The following PTPN4 variants were observed in gnomAD, a reference collection of about 807,000 sequenced individuals.
The protein encoded by PTPN4 is tyrosine-protein phosphatase non-receptor type 4.
A neutral mutation model predicts 135.5 loss-of-function variants in PTPN4; 49 were observed. The observed-to-expected ratio is 0.36, with a 90% CI of 0.29 to 0.46. The LOEUF (loss-of-function observed/expected upper bound fraction) is 0.46. Ranked by LOEUF, PTPN4 falls within the 20% of genes least tolerant of loss-of-function variation. The probability of loss-of-function intolerance (pLI) is 1.00; values close to 1 mark genes in which losing one functional copy is unlikely to be tolerated. For synonymous variants in PTPN4, 333 were observed against 369.9 expected, an observed-to-expected ratio of 0.90 and a Z score of 1.14; for missense variants, 860 against 1,101.0, an observed-to-expected ratio of 0.78 and a Z score of 3.10.
intron 2 of PTPN4, among the ~76,000 whole-genome samples, chr2:119,830,257 C>G (rs1677199546): frequency 6.6e-6 from 1 of 152,126 alleles, no homozygotes; most frequent in African/African-American, 2.4e-5. Flanking sequence ...CTTTTTGTCT[C>G]AGCACCATTT....
At chr2:119,936,072 G>T (rs140964769) in intron 15 of PTPN4, among the ~76,000 whole-genome samples, 2 of 151,530 alleles carry the variant, frequency 1.3e-5, no homozygotes, top group Admixed American at 6.6e-5. Context: ...GCGCTATCTC[G>T]GCTCACTGCA....
At chr2:119,765,264 G>A (rs188119088) in intron 1 of PTPN4, among the ~76,000 whole-genome samples, 20 of 152,234 alleles carry the variant, frequency 1.3e-4, no homozygotes, top group Admixed American at 1.2e-3. Context: ...GCTACCCAAA[G>A]CCACCAAGGT....
intron 2 of PTPN4, among the ~76,000 whole-genome samples, chr2:119,848,835 G>A (rs1014163819): frequency 3.3e-5 from 5 of 151,802 alleles, no homozygotes; most frequent in East Asian, 1.9e-4. Context: ...TTCTGACCTC[G>A]TGATCCACCC....
At chr2:119,764,778 T>C (rs1476366641) in intron 1 of PTPN4, among the ~76,000 whole-genome samples, 2 of 152,180 alleles carry the variant, frequency 1.3e-5, no homozygotes, top group Admixed American at 1.3e-4. Flanking sequence ...CTTTTAAAAG[T>C]TGCTAATTTT....
chr2:119,881,908 A>G (rs1245081402), intron 6 of PTPN4, 78 bp downstream of exon 6: 2 of 1,200,022 alleles, frequency 1.7e-6, no homozygotes, highest in African/African-American at 3.1e-5. Flanking sequence ...TAAGTAATTC[A>G]TGGTCATTGC....
At chr2:119,770,745 A>G (rs1690717803) in intron 1 of PTPN4, among the ~76,000 whole-genome samples, 1 of 152,168 alleles carries the variant, frequency 6.6e-6, no homozygotes, top group Non-Finnish European at 1.5e-5. Flanking sequence ...AATTCTAATT[A>G]TTTAAACTTT....
chr2:119,906,118 C>T (rs1219908950), intron 10 of PTPN4, among the ~76,000 whole-genome samples: 2 of 152,072 alleles, frequency 1.3e-5, no homozygotes, highest in East Asian at 1.9e-4. Flanking sequence ...CAGAGCAGAA[C>T]TAAATCAAGT....
chr2:119,795,973 C>G (rs1691249635), intron 1 of PTPN4, among the ~76,000 whole-genome samples: 1 of 152,220 alleles, frequency 6.6e-6, no homozygotes, highest in African/African-American at 2.4e-5. Flanking sequence ...ACACTTGGGG[C>G]CAGCCTTGCG....
intron 2 of PTPN4, among the ~76,000 whole-genome samples, chr2:119,822,014 G>A (rs1168064695): frequency 6.6e-6 from 1 of 151,534 alleles, no homozygotes; most frequent in Non-Finnish European, 1.5e-5. Flanking sequence ...TGTAGATTGT[G>A]CATGAAATCC....
intron 3 of PTPN4, among the ~76,000 whole-genome samples, chr2:119,876,982 T>C (rs1677993979): frequency 6.6e-6 from 1 of 151,468 alleles, no homozygotes; most frequent in Non-Finnish European, 1.5e-5. Flanking sequence ...GCCAGACTTT[T>C]AAGAAATATA....
chr2:119,896,510 A>C (rs1382749592), intron 9 of PTPN4, among the ~76,000 whole-genome samples: 1 of 152,150 alleles, frequency 6.6e-6, no homozygotes, highest in Admixed American at 6.5e-5. Context: ...TTCAGATTCA[A>C]GATTGATGTC....
At chr2:119,909,961 T>C (rs1236467023) in intron 10 of PTPN4, among the ~76,000 whole-genome samples, 3 of 152,128 alleles carry the variant, frequency 2.0e-5, no homozygotes, top group South Asian at 2.1e-4. Context: ...TTGCTTCTTA[T>C]GGATGAGCAA....
intron 5 of PTPN4, among the ~76,000 whole-genome samples, chr2:119,878,904 T>C (rs1400127533): frequency 5.3e-5 from 8 of 151,780 alleles, no homozygotes; most frequent in Admixed American, 2.0e-4. Flanking sequence ...ACATCCTGGC[T>C]AACACGGTGA....
chr2:119,803,090 C>T (rs1315093098), intron 1 of PTPN4, among the ~76,000 whole-genome samples: 1 of 152,070 alleles, frequency 6.6e-6, no homozygotes, highest in Non-Finnish European at 1.5e-5. Context: ...TCTTTGTTAG[C>T]CTTGCTAGAG....
At chr2:119,894,887 A>C (rs1270127672) in intron 9 of PTPN4, among the ~76,000 whole-genome samples, 3 of 152,248 alleles carry the variant, frequency 2.0e-5, no homozygotes, top group African/African-American at 7.2e-5. Context: ...AAAGGATTAA[A>C]AATAACTATT....
Position 119,967,377 on chromosome 2 carries a change from AAGT to A in PTPN4, c.2559-457_2559-455del, listed in dbSNP as rs535585409. Among the ~76,000 whole-genome samples, 1,163 of 152,204 alleles carry A rather than the reference AAGT, an allele frequency of 7.6e-3. 8 individuals are homozygous for A. The highest frequency in any genetic ancestry group is 0.012 in the Non-Finnish European group (814 of 68,002). ...GGCAGGAGAATCGCTTGAGCCCAGG[AAGT>A]AGAGGTTGCAGTGAGCCGAGATCGC... On this transcript the variant is annotated intron_variant, in intron 25 of 26. Coordinates refer to ENST00000263708, the MANE Select transcript of PTPN4 (RefSeq NM_002830.4).
chr2:119,768,564 G>A (rs1205924571), intron 1 of PTPN4, among the ~76,000 whole-genome samples: 2 of 152,258 alleles, frequency 1.3e-5, no homozygotes, highest in Non-Finnish European at 2.9e-5. Context: ...CTCAGGATTC[G>A]TCTAGCCTTT....
chr2:119,851,729 C>G (rs1355641120), intron 2 of PTPN4, among the ~76,000 whole-genome samples: 1 of 152,168 alleles, frequency 6.6e-6, no homozygotes, highest in East Asian at 1.9e-4. Flanking sequence ...TTACTTCTCC[C>G]TGGGGCCTGC....
intron 1 of PTPN4, among the ~76,000 whole-genome samples, chr2:119,791,601 A>AT (rs1691149899): frequency 6.6e-6 from 1 of 152,136 alleles, no homozygotes; most frequent in African/African-American, 2.4e-5. Flanking sequence ...AATACTTTGA[A>AT]TGTATCATCC....
Sources: gnomAD v4.1 joint callset for allele counts (sites outside exome capture counted in the v4.1 genomes callset) on GRCh38, gnomAD v4.1.1 for gene constraint, MANE v1.5 for transcripts, NCBI Gene and HGNC (gene_info 2026-07-23, HGNC 2026-07-21) for gene names.